The following TBC1D19 variants were observed in gnomAD, a reference collection of about 807,000 sequenced individuals.
TBC1D19 encodes TBC1 domain family, member 19.
In TBC1D19, 60 loss-of-function variants were observed where a neutral mutation model predicts 89.0. That is an observed-to-expected ratio of 0.67 (90% CI 0.55 to 0.84). The LOEUF is 0.84. Among genes scored for constraint, TBC1D19 ranks in the 40% least tolerant of loss-of-function variants. The probability of loss-of-function intolerance (pLI) is 0.00; values close to 1 mark genes in which losing one functional copy is unlikely to be tolerated. For missense variants in TBC1D19, 500 were observed against 610.8 expected (o/e 0.82, Z 1.91); for synonymous variants, 189 against 199.7 (o/e 0.95, Z 0.45).
At chr4:26,622,624 T>G (rs746830800) in intron 4 of TBC1D19, among the ~76,000 whole-genome samples, 7 of 152,198 alleles carry the variant, frequency 4.6e-5, no homozygotes, top group Admixed American at 6.6e-5. Flanking sequence ...AATTTTATTT[T>G]TACTTTTTTT....
At chr4:26,855,514 C>CA in the TBC1D19 span, among the ~76,000 whole-genome samples, 1 of 152,208 alleles carries the variant, frequency 6.6e-6, no homozygotes, top group Admixed American at 6.5e-5. Flanking sequence ...CGGAGTTCCT[C>CA]ACCTTACGAA....
chr4:26,686,601 G>T (rs1713832001), intron 12 of TBC1D19, among the ~76,000 whole-genome samples: 1 of 152,062 alleles, frequency 6.6e-6, no homozygotes, highest in Admixed American at 6.6e-5. Context: ...GATTTGGATG[G>T]GTAGGGATGA....
intron 8 of TBC1D19, chr4:26,662,751 A>G (rs1745295484): frequency 6.6e-6 from 1 of 152,236 alleles, no homozygotes; most frequent in Non-Finnish European, 1.5e-5. Flanking sequence ...ATGTCTTTAA[A>G]AACCTGAGTG....
intron 1 of TBC1D19, among the ~76,000 whole-genome samples, chr4:26,593,933 G>A (rs1410445256): frequency 1.3e-4 from 20 of 152,176 alleles, no homozygotes; most frequent in Admixed American, 9.8e-4. Flanking sequence ...TCAGTGTGGC[G>A]ATTCCTCAGG....
chr4:26,829,802 A>G, the TBC1D19 span, among the ~76,000 whole-genome samples: 4 of 152,242 alleles, frequency 2.6e-5, no homozygotes, highest in African/African-American at 9.6e-5. Context: ...TTTGTGATAC[A>G]TGTGGACAAA....
At chr4:26,593,704 G>T (rs1739992319) in intron 1 of TBC1D19, among the ~76,000 whole-genome samples, 3 of 152,182 alleles carry the variant, frequency 2.0e-5, no homozygotes, top group Admixed American at 2.0e-4. Flanking sequence ...CTTCCCAAAA[G>T]AAGACATTTA....
chr4:26,758,516 G>A (rs183209798), downstream of TBC1D19, among the ~76,000 whole-genome samples: 7 of 152,200 alleles, frequency 4.6e-5, no homozygotes, highest in Admixed American at 2.6e-4. Flanking sequence ...TGTTCCTCTG[G>A]CCATGGGGAT....
At chr4:26,821,546 C>T in the TBC1D19 span, among the ~76,000 whole-genome samples, 7 of 152,184 alleles carry the variant, frequency 4.6e-5, no homozygotes, top group African/African-American at 1.7e-4. Flanking sequence ...TGGGATTTAG[C>T]CATGTTTCTG....
the TBC1D19 span, among the ~76,000 whole-genome samples, chr4:26,822,580 A>G: frequency 6.6e-6 from 1 of 152,304 alleles, no homozygotes; most frequent in African/African-American, 2.4e-5. Context: ...AAAGGCTGCC[A>G]GTGGACTATG....
chr4:26,723,725 C>CAA (rs1365347600), intron 15 of TBC1D19, among the ~76,000 whole-genome samples: 71 of 152,272 alleles, frequency 4.7e-4, no homozygotes, highest in African/African-American at 1.6e-3. Flanking sequence ...TTATTCAACA[C>CAA]ATATAAATTG....
At chr4:26,656,271 C>T (rs1184865028) in intron 7 of TBC1D19, among the ~76,000 whole-genome samples, 5 of 151,876 alleles carry the variant, frequency 3.3e-5, no homozygotes, top group Non-Finnish European at 7.4e-5. Context: ...AACTACTATA[C>T]TTTTAAAATA....
chr4:26,754,397 ATT>A (rs1371747337), intron 20 of TBC1D19, among the ~76,000 whole-genome samples: 1 of 152,152 alleles, frequency 6.6e-6, no homozygotes, highest in Non-Finnish European at 1.5e-5. Context: ...GTATTATTCT[ATT>A]TGTTATCTTT....
chr4:26,751,853 C>A (rs1718984943), intron 19 of TBC1D19, among the ~76,000 whole-genome samples: 1 of 152,202 alleles, frequency 6.6e-6, no homozygotes, highest in Non-Finnish European at 1.5e-5. Flanking sequence ...CAGCATCCTT[C>A]ATGCCATCTC....
intron 13 of TBC1D19, among the ~76,000 whole-genome samples, chr4:26,694,937 T>C (rs1184431158): frequency 2.0e-5 from 3 of 151,846 alleles, no homozygotes; most frequent in Admixed American, 6.6e-5. Context: ...ACCACAAAGA[T>C]GGGGAAAAAA....
chr4:26,632,748 G>A (rs559557176), intron 4 of TBC1D19, among the ~76,000 whole-genome samples: 2 of 152,136 alleles, frequency 1.3e-5, no homozygotes, highest in Non-Finnish European at 2.9e-5. Flanking sequence ...AGTTTCAAGG[G>A]TCCATGTTGC....
At chr4:26,722,418 A>T (rs185157250) in intron 15 of TBC1D19, among the ~76,000 whole-genome samples, 78 of 152,226 alleles carry the variant, frequency 5.1e-4, no homozygotes, top group African/African-American at 1.9e-3. Flanking sequence ...AAATTGGTTA[A>T]CTCTTTTTTA....
chr4:26,832,158 A>G, the TBC1D19 span, among the ~76,000 whole-genome samples: 1 of 152,228 alleles, frequency 6.6e-6, no homozygotes, highest in Non-Finnish European at 1.5e-5. Context: ...TAAGACAAAA[A>G]TAAAACTATA....
the TBC1D19 span, among the ~76,000 whole-genome samples, chr4:26,820,661 C>T: frequency 6.6e-6 from 1 of 152,136 alleles, no homozygotes; most frequent in Non-Finnish European, 1.5e-5. Flanking sequence ...ATCTCTTTGA[C>T]ATACCAATTT....
At chr4:26,847,639 T>C in the TBC1D19 span, among the ~76,000 whole-genome samples, 15 of 152,140 alleles carry the variant, frequency 9.9e-5, no homozygotes, top group African/African-American at 3.6e-4. Flanking sequence ...TTGCTTTTAC[T>C]CCAAGCTGTT....
Sources: allele counts gnomAD v4.1 joint callset (sites outside exome capture counted in the v4.1 genomes callset), GRCh38; gene constraint gnomAD v4.1.1; transcripts MANE v1.5; gene names NCBI Gene and HGNC (gene_info 2026-07-23, HGNC 2026-07-21).